Variants in LRRK1 observed in about 807,000 individuals in gnomAD.
LRRK1 encodes leucine rich repeat kinase 1.
LRRK1 carries 113 observed loss-of-function variants against 209.1 expected under a neutral mutation model. The ratio of observed to expected loss-of-function variants is 0.54; its 90% CI spans 0.46 to 0.63. LRRK1 has a LOEUF of 0.63. Ranked by LOEUF, LRRK1 falls within the 30% of genes least tolerant of loss-of-function variation. The probability of loss-of-function intolerance (pLI) is 0.00; values close to 1 mark genes in which losing one functional copy is unlikely to be tolerated. For missense variants in LRRK1, 2,284 were observed against 2,632.2 expected, an observed-to-expected ratio of 0.87 and a Z score of 2.89; for synonymous variants, 1,144 against 1,099.7, an observed-to-expected ratio of 1.04 and a Z score of -0.80.
intron 2 of LRRK1, among the ~76,000 whole-genome samples, chr15:100,937,332 C>A (rs1183969997): frequency 6.6e-6 from 1 of 152,128 alleles, no homozygotes; most frequent in East Asian, 1.9e-4. Flanking sequence ...AACTTACTAC[C>A]AATTGCCGTC....
intron 6 of LRRK1, among the ~76,000 whole-genome samples, 154 bp from the exon 7 acceptor site, chr15:101,008,683 G>A (rs977069382): frequency 2.6e-5 from 4 of 152,210 alleles, no homozygotes; most frequent in African/African-American, 9.6e-5. Context: ...CGTGGCAGGT[G>A]CCGGCGGCCG....
chr15:101,063,014 A>G (rs542560490), intron 31 of LRRK1, among the ~76,000 whole-genome samples: 5 of 152,234 alleles, frequency 3.3e-5, no homozygotes, highest in African/African-American at 4.8e-5. Flanking sequence ...CCCTTCCCCT[A>G]TCCGGAGCCT....
At chr15:101,049,095 A>T (rs1262819862) in intron 22 of LRRK1, among the ~76,000 whole-genome samples, 2 of 152,226 alleles carry the variant, frequency 1.3e-5, no homozygotes, top group East Asian at 3.9e-4. Flanking sequence ...CACGGAACTC[A>T]GCTCCCTGTG....
chr15:101,049,600 C>CG, intron 22 of LRRK1, 44 bp from the exon 23 acceptor site: 1 of 1,600,630 alleles, frequency 6.2e-7, no homozygotes, highest in Non-Finnish European at 8.5e-7. Context: ...CAGGGTCCCC[C>CG]AGAGCCAGAT....
At chr15:101,045,403 A>G (rs2035014752) in intron 20 of LRRK1, among the ~76,000 whole-genome samples, 1 of 152,234 alleles carries the variant, frequency 6.6e-6, no homozygotes, top group Admixed American at 6.5e-5. Flanking sequence ...TGCCGATGCA[A>G]TGATGCAGCA....
intron 4 of LRRK1, 171 bp downstream of exon 4, chr15:100,983,870 C>G (rs2031733472): frequency 2.6e-6 from 2 of 771,588 alleles, no homozygotes; most frequent in African/African-American, 1.7e-5. Context: ...CATTCCACCT[C>G]TCACTCCCAT....
intron 6 of LRRK1, among the ~76,000 whole-genome samples, chr15:100,998,179 C>CAAAA (rs536380783): frequency 3.4e-5 from 3 of 88,864 alleles, no homozygotes; most frequent in Non-Finnish European, 7.1e-5. Context: ...GACTCTGTCT[C>CAAAA]AAAAAAAAAA....
At chr15:100,971,835 G>A (rs569678337) in intron 2 of LRRK1, among the ~76,000 whole-genome samples, 4 of 152,002 alleles carry the variant, frequency 2.6e-5, no homozygotes, top group Admixed American at 6.6e-5. Context: ...TCCAGTCTTT[G>A]CCTCCATGGG....
Position 101,071,800 on chromosome 15 carries a change from G to A in LRRK1, c.*2952G>A, listed in dbSNP as rs1396237867. On this transcript the variant is annotated 3_prime_UTR_variant, in exon 34 of 34. Transcript: ENST00000388948. Reference sequence around the variant, plus strand: ...ACCCAGTTGGGCAATTCGTGGCTTGGCCTAGGAACGTTACATTTGACTGAG... The same window carrying A: ...ACCCAGTTGGGCAATTCGTGGCTTGACCTAGGAACGTTACATTTGACTGAG... 6.6e-6 allele frequency: 1 copy of A among 152,270 alleles called. No individual in the cohort carries two copies. The highest frequency in any genetic ancestry group is 1.5e-5 in the Non-Finnish European group (1 of 68,062). The allele number at this position is 152,270 out of a possible 1,614,324, so 9.4% of individuals were successfully genotyped here.
intron 4 of LRRK1, among the ~76,000 whole-genome samples, chr15:100,987,217 C>G (rs1192865688): frequency 1.3e-5 from 2 of 152,138 alleles, no homozygotes; most frequent in African/African-American, 2.4e-5. Flanking sequence ...ATCCTGACCC[C>G]GGTTTCCTGA....
Position 100,924,642 on chromosome 15 carries a change from A to G in LRRK1, c.10A>G (p.Met4Val), listed in dbSNP as rs201543283. 2.1e-4 allele frequency: 336 copies of G among 1,614,000 alleles called. 1 individual carries two copies. Among genetic ancestry groups the G allele is most frequent in the Non-Finnish European group, 2.7e-4 (318 of 1,180,012 alleles). ...GCTGCTGCAAGGGTTGATGGCTGGC[A>G]TGTCGCAAAGACCCCCCAGCATGTA... MAG[M>V]SQRPPSMYWC... The change falls in exon 2 of 34, where the codon ATG becomes GTG. Residue 4 changes from methionine to valine, a missense_variant. This residue lies in a region of LRRK1 where 174 missense variants were observed against 133.5 expected (regional missense o/e 1.30). Transcript: ENST00000388948.
Position 101,024,884 on chromosome 15 carries a change from A to G in LRRK1, c.2149A>G (p.Lys717Glu). ...ATVNQCFFTD[K>E]ALYVVVWNLA... Reference sequence around the variant, plus strand: ...TGTCAACCAGTGCTTCTTCACGGACAAGGCCCTGTACGTGGTGGTCTGGAA... The same window carrying G: ...TGTCAACCAGTGCTTCTTCACGGACGAGGCCCTGTACGTGGTGGTCTGGAA... Residue 717 changes from lysine (K) to glutamate (E), a missense_variant, in exon 16 of 34, where the codon AAG becomes GAG. Coordinates refer to ENST00000388948, the MANE Select transcript of LRRK1 (RefSeq NM_024652.6). This position sits in a 1 kb window ranked among gnomAD's most constrained non-coding sequence, Gnocchi z 4.6. 1 of 1,614,198 alleles carries G rather than the reference A, an allele frequency of 6.2e-7. No homozygotes were observed. Among genetic ancestry groups the G allele is most frequent in the African/African-American group, 1.3e-5 (1 of 75,070 alleles).
chr15:101,046,797 C>A (rs1014977748), intron 21 of LRRK1, among the ~76,000 whole-genome samples: 2 of 152,196 alleles, frequency 1.3e-5, no homozygotes, highest in Non-Finnish European at 2.9e-5. Flanking sequence ...CACGGGAGAC[C>A]CCCCGCCCAA....
At chr15:100,983,868 C>T (rs1396386007) in intron 4 of LRRK1, 169 bp downstream of exon 4, 1 of 772,284 alleles carries the variant, frequency 1.3e-6, no homozygotes, top group Non-Finnish European at 2.4e-6. Context: ...CACATTCCAC[C>T]TCTCACTCCC....
chr15:101,068,565 C>G (rs2036660582), intron 33 of LRRK1, 106 bp from the exon 34 acceptor site: 3 of 1,230,604 alleles, frequency 2.4e-6, no homozygotes, highest in Admixed American at 2.5e-5. Flanking sequence ...ACACACTCCC[C>G]TGCCCTTAGC....
At chr15:100,946,460 G>T (rs148973013) in intron 2 of LRRK1, among the ~76,000 whole-genome samples, 9 of 152,292 alleles carry the variant, frequency 5.9e-5, no homozygotes, top group African/African-American at 9.6e-5. Context: ...AATGCACATT[G>T]ATTTTGCCTT....
intron 33 of LRRK1, 58 bp downstream of exon 33, chr15:101,066,799 C>T (rs1374658945): frequency 2.1e-5 from 29 of 1,374,274 alleles, no homozygotes; most frequent in Non-Finnish European, 2.9e-5. Flanking sequence ...ACAGAAGGCC[C>T]TGCAGCCAGG....
chr15:100,951,995 GTAT>G (rs1262447640), intron 2 of LRRK1, among the ~76,000 whole-genome samples: 2 of 150,016 alleles, frequency 1.3e-5, no homozygotes, highest in African/African-American at 2.4e-5. Flanking sequence ...TAAAATAATA[GTAT>G]TATTAAGAGT....
rs142643909 is a variant in LRRK1, at chr15:100,986,550, G to A, written c.434-2084G>A. Among the ~76,000 whole-genome samples the A allele has an allele frequency of 6.6e-5, 10 of 152,356 alleles. No individual in the cohort carries two copies. In the East Asian group the frequency reaches 1.9e-3, roughly 29 times the overall value. ...GGATGAAATGAGTACTCAGACACAG[G>A]TGTACGGTGTAAGAGCAGCTGAGTC... On this transcript the variant is annotated intron_variant, in intron 4 of 33. Coordinates refer to ENST00000388948, the MANE Select transcript of LRRK1 (RefSeq NM_024652.6).
Sources: gnomAD v4.1 joint callset for allele counts (sites outside exome capture counted in the v4.1 genomes callset) on GRCh38, gnomAD v4.1.1 for gene constraint, gnomAD v4.1.1 regional missense constraint, Gnocchi (gnomAD v3.1) non-coding constraint, MANE v1.5 for transcripts, NCBI Gene and HGNC (gene_info 2026-07-23, HGNC 2026-07-21) for gene names.